RAI1: variants seen among roughly 807,000 people sequenced by gnomAD.
RAI1 encodes the protein retinoic acid induced 1.
In RAI1, 9 loss-of-function variants were observed where a neutral mutation model predicts 123.8. The observed-to-expected ratio is 0.07, with a 90% CI of 0.04 to 0.13. RAI1 has a LOEUF of 0.13. Ranked by LOEUF, RAI1 falls within the 10% of genes least tolerant of loss-of-function variation. The probability of loss-of-function intolerance (pLI) is 1.00; values close to 1 mark genes in which losing one functional copy is unlikely to be tolerated. For synonymous variants in RAI1, 1,231 were observed against 1,127.3 expected (o/e 1.09, Z -1.84); for missense variants, 2,256 against 2,545.8 (o/e 0.89, Z 2.45).
intron 1 of RAI1, among the ~76,000 whole-genome samples, chr17:17,702,259 T>C (rs1231486437): frequency 6.6e-6 from 1 of 152,196 alleles, no homozygotes; most frequent in Non-Finnish European, 1.5e-5. Flanking sequence ...GGGTCCTCTG[T>C]TGCCTAGCAA....
At chr17:17,684,689 T>TATAC (rs1361120954) in intron 1 of RAI1, 3 of 45,782 alleles carry the variant, frequency 6.6e-5, no homozygotes, top group Non-Finnish European at 1.9e-4. Flanking sequence ...TATATATATA[T>TATAC]ATATATATAT....
At chr17:17,737,269 A>T (rs1387357714) in intron 2 of RAI1, among the ~76,000 whole-genome samples, 2 of 152,184 alleles carry the variant, frequency 1.3e-5, no homozygotes, top group African/African-American at 4.8e-5. Flanking sequence ...CCACTTGAGG[A>T]GGCAATAGGG....
At chr17:17,780,445 C>T (rs2142997905) in intron 2 of RAI1, among the ~76,000 whole-genome samples, 1 of 152,268 alleles carries the variant, frequency 6.6e-6, no homozygotes, top group South Asian at 2.1e-4. Context: ...CCATGTCTTT[C>T]ACCCCTGGGT....
chr17:17,805,640 G>A (rs897444737), intron 4 of RAI1, among the ~76,000 whole-genome samples: 4 of 152,212 alleles, frequency 2.6e-5, no homozygotes, highest in Non-Finnish European at 5.9e-5. Context: ...CTGCCCCAGG[G>A]AGGACACAGA....
At position 17,697,811 on chromosome 17, in the gene RAI1, T is replaced by C. The variant is rs77838568; in HGVS notation, c.-149+16018T>C. ...GGAAATGAGCTGAGGGTATGGGTGC[T>C]TACACACCAGGCAGTATCCACAGCA... On this transcript the variant is annotated intron_variant, in intron 1 of 5. Transcript: ENST00000353383. Among the ~76,000 whole-genome samples, 89 of 152,308 alleles carry C rather than the reference T, an allele frequency of 5.8e-4. 1 individual carries two copies. The East Asian group carries it at 0.017, about 29-fold the overall frequency.
chr17:17,686,471 A>G (rs1226123218), intron 1 of RAI1, among the ~76,000 whole-genome samples: 1 of 151,262 alleles, frequency 6.6e-6, no homozygotes, highest in Non-Finnish European at 1.5e-5. Context: ...GGAATGTGAC[A>G]CCAGGGAAGG....
Position 17,690,065 on chromosome 17 carries a change from C to A in RAI1, c.-149+8272C>A, listed in dbSNP as rs73981024. On this transcript the variant is annotated intron_variant, in intron 1 of 5. Transcript: ENST00000353383. ...CCTGGGAAAGTCCGCCTTTGTCTGGCGCCAGGTGTGCTTGATTTTAGAAGG... is the reference window on the plus strand; with the variant it reads ...CCTGGGAAAGTCCGCCTTTGTCTGGAGCCAGGTGTGCTTGATTTTAGAAGG... 7.2e-3 allele frequency among the ~76,000 whole-genome samples: 1,096 copies of A among 152,160 alleles called. 12 individuals carry two copies. The highest frequency in any genetic ancestry group is 0.025 in the African/African-American group (1,048 of 41,520).
At chr17:17,737,620 C>G (rs1393053839) in intron 2 of RAI1, among the ~76,000 whole-genome samples, 1 of 152,192 alleles carries the variant, frequency 6.6e-6, no homozygotes, top group Non-Finnish European at 1.5e-5. Context: ...TCCCCAGCCC[C>G]CTCTGCCAGA....
At chr17:17,731,493 C>T (rs1329463463) in intron 2 of RAI1, among the ~76,000 whole-genome samples, 1 of 152,114 alleles carries the variant, frequency 6.6e-6, no homozygotes, top group Non-Finnish European at 1.5e-5. Flanking sequence ...TGGGCCTTGA[C>T]TGCTTGAAGG....
intron 3 of RAI1, among the ~76,000 whole-genome samples, chr17:17,802,494 C>A (rs773553378): frequency 3.3e-5 from 5 of 152,158 alleles, no homozygotes; most frequent in Non-Finnish European, 7.4e-5. Context: ...AGCCAGTAGG[C>A]GGCCAGGCGC....
At chr17:17,717,420 G>T (rs533180879) in intron 1 of RAI1, among the ~76,000 whole-genome samples, 17 of 152,052 alleles carry the variant, frequency 1.1e-4, no homozygotes, top group Admixed American at 5.2e-4. Flanking sequence ...AGGAACCAAG[G>T]GTGCCCAGGA....
intron 2 of RAI1, chr17:17,782,157 CGCAGGG>C (rs2031607893): frequency 6.6e-6 from 1 of 151,328 alleles, no homozygotes; most frequent in Non-Finnish European, 1.5e-5. Context: ...GCGATGCCCG[CGCAGGG>C]GCGGGGGCCG....
Position 17,794,301 on chromosome 17 carries a change from G to A in RAI1, c.1353G>A (p.Gln451=), listed in dbSNP as rs1243299925. 1.2e-6 allele frequency: 2 copies of A among 1,613,242 alleles called. No individual in the cohort carries two copies. The highest frequency in any genetic ancestry group is 2.2e-5 in the South Asian group (2 of 91,084). ...AGAACATCTCCAACACCGTCCAGCA[G>A]CTGCTGCTCTCCAAGGCTGCTGTGC... ...QVENISNTVQ[Q]LLLSKAAVPQ... is the part of the protein sequence containing the mutation. Residue 451 remains glutamine (Q), a synonymous_variant, in exon 3 of 6, where the codon CAG becomes CAA. Transcript: ENST00000353383.
rs552594045 is a variant in RAI1, at chr17:17,682,829, C to T, written c.-149+1036C>T. Among the ~76,000 whole-genome samples, 4 of 152,126 alleles carry T rather than the reference C, an allele frequency of 2.6e-5. No individual in the cohort carries two copies. The South Asian group carries it at 6.2e-4, about 24-fold the overall frequency. Reference sequence around the variant, plus strand: ...GAGTGCGGGCTGCCGCGGTGCTCTCCTGCGCGGAGCCCGGGCTGGCGGGGG... The same window carrying T: ...GAGTGCGGGCTGCCGCGGTGCTCTCTTGCGCGGAGCCCGGGCTGGCGGGGG... On this transcript the variant is annotated intron_variant, in intron 1 of 5. Coordinates refer to ENST00000353383, the MANE Select transcript of RAI1 (RefSeq NM_030665.4).
chr17:17,691,929 T>G (rs1012411768), intron 1 of RAI1, among the ~76,000 whole-genome samples: 2 of 152,142 alleles, frequency 1.3e-5, no homozygotes, highest in Non-Finnish European at 2.9e-5. Context: ...AAAAACAATA[T>G]TTTCATTTCA....
chr17:17,698,849 C>G (rs1442994485), intron 1 of RAI1, among the ~76,000 whole-genome samples: 1 of 152,218 alleles, frequency 6.6e-6, no homozygotes. Flanking sequence ...TGAGATCAGC[C>G]ATGATCTGGA....
chr17:17,705,505 C>T (rs1225751517), intron 1 of RAI1, among the ~76,000 whole-genome samples: 2 of 152,050 alleles, frequency 1.3e-5, no homozygotes, highest in Non-Finnish European at 2.9e-5. Context: ...GAGATCGTGC[C>T]ATTGCACTCC....
intron 2 of RAI1, among the ~76,000 whole-genome samples, chr17:17,784,020 CCT>C (rs1052302653): frequency 4.6e-5 from 7 of 152,304 alleles, no homozygotes; most frequent in Middle Eastern, 3.4e-3. Flanking sequence ...AATCCCCCTC[CCT>C]CTTTTTCTCT....
At chr17:17,808,021 G>A (rs1005279826) in intron 4 of RAI1, among the ~76,000 whole-genome samples, 2 of 152,216 alleles carry the variant, frequency 1.3e-5, no homozygotes, top group African/African-American at 4.8e-5. Context: ...ACCCTGTCAT[G>A]ATGCCATTGC....
Sources: gnomAD v4.1 joint callset for allele counts (sites outside exome capture counted in the v4.1 genomes callset) on GRCh38, gnomAD v4.1.1 for gene constraint, MANE v1.5 for transcripts, NCBI Gene and HGNC (gene_info 2026-07-23, HGNC 2026-07-21) for gene names.